The following NDST4 variants were observed in gnomAD, a reference collection of about 807,000 sequenced individuals.
The protein encoded by NDST4 is N-heparan sulfate sulfotransferase 4.
A neutral mutation model predicts 100.8 loss-of-function variants in NDST4; 63 were observed. The ratio of observed to expected loss-of-function variants is 0.62; its 90% CI spans 0.51 to 0.77. The LOEUF is 0.77. Among genes scored for constraint, NDST4 ranks in the 30% least tolerant of loss-of-function variants. The probability of loss-of-function intolerance (pLI) is 0.00; values close to 1 mark genes in which losing one functional copy is unlikely to be tolerated. For synonymous variants in NDST4, 377 were observed against 361.8 expected, an observed-to-expected ratio of 1.04 and a Z score of -0.48; for missense variants, 943 against 1,018.4, an observed-to-expected ratio of 0.93 and a Z score of 1.01.
chr4:114,899,011 G>A (rs115640888), intron 6 of NDST4, among the ~76,000 whole-genome samples: 142 of 151,858 alleles, frequency 9.4e-4, no homozygotes, highest in African/African-American at 3.3e-3. Context: ...TATACCTTTC[G>A]TTTCCTTTCT....
intron 2 of NDST4, among the ~76,000 whole-genome samples, chr4:115,053,327 G>A (rs1223621285): frequency 6.6e-6 from 1 of 152,090 alleles, no homozygotes; most frequent in Admixed American, 6.6e-5. Flanking sequence ...TACTTAAATA[G>A]GATGGACTTT....
intron 6 of NDST4, among the ~76,000 whole-genome samples, chr4:114,897,824 C>T (rs1348743597): frequency 1.3e-5 from 2 of 151,998 alleles, no homozygotes; most frequent in South Asian, 2.1e-4. Flanking sequence ...TGATGTGGAA[C>T]GTTTCTTCAT....
chr4:114,848,345 CA>C lies in NDST4; in HGVS notation c.1817-8del. The stretch of plus-strand genomic sequence containing the variant: ...AAATAAAGTGCAGTTGTTCCTGTTA[CA>C]AAAAAAGAAAGTAAAAGGTTATATG... On this transcript the variant is annotated splice_region_variant and splice_polypyrimidine_tract_variant and intron_variant, in intron 8 of 13. Coordinates refer to ENST00000264363, the MANE Select transcript of NDST4 (RefSeq NM_022569.3). 8 of 1,558,412 alleles carry C rather than the reference CA, an allele frequency of 5.1e-6. No individual in the cohort carries two copies. Among genetic ancestry groups the C allele is most frequent in the Admixed American group, 2.1e-5 (1 of 48,166 alleles).
rs188624282 is a variant in NDST4 at position 114,886,079 on chromosome 4, C to T, written c.1537-15129G>A. On this transcript the variant is annotated intron_variant, in intron 6 of 13. Transcript: ENST00000264363. ...TCACCTTTTGCTCTCTACTCTCCAA[C>T]AGAAAGTTATGCTATATTTCAAAAG... is the stretch of plus-strand genomic sequence containing the variant. Among the ~76,000 whole-genome samples the T allele has an allele frequency of 9.2e-5, 14 of 152,168 alleles. No individual in the cohort carries two copies. The East Asian group carries it at 2.7e-3, about 29-fold the overall frequency.
At chr4:114,931,294 T>C (rs559574468) in intron 6 of NDST4, among the ~76,000 whole-genome samples, 2 of 151,690 alleles carry the variant, frequency 1.3e-5, no homozygotes, top group Non-Finnish European at 2.9e-5. Context: ...TATTTAGAGG[T>C]GCAGTCTAAA....
At chr4:114,891,442 A>G (rs1029596494) in intron 6 of NDST4, among the ~76,000 whole-genome samples, 1 of 148,538 alleles carries the variant, frequency 6.7e-6, no homozygotes, top group Non-Finnish European at 1.5e-5. Context: ...TCCCAAACCA[A>G]CTCCTCCACC....
chr4:114,864,336 T>G (rs1038774348), intron 7 of NDST4, among the ~76,000 whole-genome samples: 3 of 152,358 alleles, frequency 2.0e-5, no homozygotes, highest in African/African-American at 7.2e-5. Flanking sequence ...CCCTGACGGT[T>G]TAAAGAAGAA....
In NDST4 at chr4:114,977,266, T is replaced by C. The variant is rs1726660249; in HGVS notation, c.987A>G (p.Leu329=). The C allele has an allele frequency of 6.3e-7, 1 of 1,594,046 alleles. No individual in the cohort carries two copies. Among genetic ancestry groups the C allele is most frequent in the Non-Finnish European group, 8.6e-7 (1 of 1,168,556 alleles). The change falls in exon 3 of 14, where the codon CTA becomes CTG. Residue 329 remains leucine (L), a synonymous_variant. Coordinates refer to ENST00000264363, the MANE Select transcript of NDST4 (RefSeq NM_022569.3). ...RMNVKDVKAL[L]ETQNLLRTQV... ...GAGTGCGCAGTAAATTTTGAGTCTC[T>C]AGTAATGCCTGAAATAAATAAGAAA...
At chr4:115,075,284 T>C (rs1729154757) in intron 2 of NDST4, among the ~76,000 whole-genome samples, 1 of 152,220 alleles carries the variant, frequency 6.6e-6, no homozygotes, top group Admixed American at 6.5e-5. Context: ...ATATTATGCT[T>C]GTTTGAGATT....
intron 2 of NDST4, among the ~76,000 whole-genome samples, chr4:114,998,936 T>A (rs1727222930): frequency 6.6e-6 from 1 of 151,988 alleles, no homozygotes; most frequent in Admixed American, 6.6e-5. Flanking sequence ...TGGCCTAAAC[T>A]TTGGGTCGAG....
chr4:114,834,236 G>A (rs76591621), intron 11 of NDST4, among the ~76,000 whole-genome samples: 3,482 of 152,168 alleles, frequency 0.023, 120 homozygotes, highest in African/African-American at 0.078. Context: ...GGAAAAGGCC[G>A]GGCGCAGTGG....
intron 7 of NDST4, among the ~76,000 whole-genome samples, chr4:114,859,644 G>A (rs1039838974): frequency 4.6e-5 from 7 of 152,152 alleles, no homozygotes; most frequent in East Asian, 1.9e-4. Flanking sequence ...CCACCTGACC[G>A]GAAATCAAAC....
At chr4:114,953,055 C>T (rs1726057320) in intron 4 of NDST4, among the ~76,000 whole-genome samples, 1 of 143,430 alleles carries the variant, frequency 7.0e-6, no homozygotes, top group Admixed American at 7.1e-5. Flanking sequence ...TGTGGGAAGG[C>T]CTTGTCCATT....
At chr4:114,997,054 C>G (rs1303361153) in intron 2 of NDST4, among the ~76,000 whole-genome samples, 2 of 152,052 alleles carry the variant, frequency 1.3e-5, no homozygotes, top group South Asian at 2.1e-4. Context: ...CTACCATGGA[C>G]AAAGTCATTT....
chr4:114,933,432 C>CTTTTTTTTTTTTTTTTTTCCTTT (rs1553955185), intron 6 of NDST4, among the ~76,000 whole-genome samples: 1,645 of 88,682 alleles, frequency 0.019, 61 homozygotes, highest in East Asian at 0.091. Context: ...TTTTCTTTTC[C>CTTTTTTTTTTTTTTTTTTCCTTT]TTTTTTTTTT....
chr4:114,887,473 A>G (rs1724504157), intron 6 of NDST4, among the ~76,000 whole-genome samples: 1 of 152,166 alleles, frequency 6.6e-6, no homozygotes, highest in Non-Finnish European at 1.5e-5. Flanking sequence ...ATACATCTAT[A>G]AGTTTCAGTG....
chr4:114,938,952 T>G (rs911155026), intron 4 of NDST4, among the ~76,000 whole-genome samples: 1 of 152,220 alleles, frequency 6.6e-6, no homozygotes, highest in Non-Finnish European at 1.5e-5. Flanking sequence ...TTTCATTTCT[T>G]GATCTGTGCA....
intron 10 of NDST4, among the ~76,000 whole-genome samples, chr4:114,839,843 T>C (rs2126183468): frequency 6.6e-6 from 1 of 152,248 alleles, no homozygotes; most frequent in East Asian, 1.9e-4. Flanking sequence ...ACACATAAAC[T>C]TGTAGTTATA....
intron 6 of NDST4, among the ~76,000 whole-genome samples, chr4:114,901,061 A>T (rs547282585): frequency 6.6e-6 from 1 of 151,926 alleles, no homozygotes; most frequent in East Asian, 1.9e-4. Context: ...TTTATGCCCC[A>T]GAATGTGACC....
Sources: allele counts gnomAD v4.1 joint callset (sites outside exome capture counted in the v4.1 genomes callset), GRCh38; gene constraint gnomAD v4.1.1; transcripts MANE v1.5; gene names NCBI Gene and HGNC (gene_info 2026-07-23, HGNC 2026-07-21).